The following TMPRSS11A variants were observed in gnomAD, a reference collection of about 807,000 sequenced individuals.
The protein encoded by TMPRSS11A is transmembrane serine protease 11A.
TMPRSS11A carries 53 observed loss-of-function variants against 58.9 expected under a neutral mutation model. That is an observed-to-expected ratio of 0.90 (90% CI 0.72 to 1.13). The LOEUF (loss-of-function observed/expected upper bound fraction) is 1.13. Ranked by LOEUF, TMPRSS11A falls within the 50% of genes most tolerant of loss-of-function variation. The probability of loss-of-function intolerance (pLI) is 0.00; values close to 1 mark genes in which losing one functional copy is unlikely to be tolerated. For missense variants in TMPRSS11A, 493 were observed against 499.3 expected (o/e 0.99, Z 0.12); for synonymous variants, 167 against 169.8 (o/e 0.98, Z 0.13).
chr4:67,946,648 C>A (rs1721020537), intron 1 of TMPRSS11A, 77 bp from the exon 2 acceptor site: 2 of 1,438,236 alleles, frequency 1.4e-6, no homozygotes, highest in South Asian at 1.6e-5. Flanking sequence ...TAGACAAGTT[C>A]AAGTTGCTGT....
chr4:67,916,060 AG>A, intron 8 of TMPRSS11A, among the ~76,000 whole-genome samples: 1 of 152,292 alleles, frequency 6.6e-6, no homozygotes, highest in Admixed American at 6.5e-5. Context: ...TCCCCTGTAA[AG>A]ACCCCCAGCT....
chr4:67,915,278 T>C (rs1720117004), intron 8 of TMPRSS11A, among the ~76,000 whole-genome samples: 1 of 152,176 alleles, frequency 6.6e-6, no homozygotes. Flanking sequence ...GGCTGCAGAC[T>C]GTAAGCTAGG....
At chr4:67,915,020 T>C (rs1720109514) in intron 8 of TMPRSS11A, among the ~76,000 whole-genome samples, 1 of 152,180 alleles carries the variant, frequency 6.6e-6, no homozygotes, top group South Asian at 2.1e-4. Context: ...CAGGAAGGCC[T>C]TTTATCTTTT....
chr4:67,929,978 T>C lies in TMPRSS11A; in HGVS notation c.383A>G (p.Gln128Arg). The change falls in exon 5 of 10, where the codon CAA becomes CGA. Residue 128 changes from glutamine (Q) to arginine (R), a missense_variant. Transcript: ENST00000508048. Reference sequence around the variant, plus strand: ...GATTTTCTTCTCTCTTACTGCCCTTTGTTCAGTAGAGGGGAACTGGAACAC... The same window carrying C: ...GATTTTCTTCTCTCTTACTGCCCTTCGTTCAGTAGAGGGGAACTGGAACAC... ...IMVFQFPSTE[Q>R]RAVREKKIQS... 4.3e-6 allele frequency: 7 copies of C among 1,613,690 alleles called. No homozygotes were observed. Among genetic ancestry groups the C allele is most frequent in the Non-Finnish European group, 5.9e-6 (7 of 1,179,610 alleles).
intron 7 of TMPRSS11A, among the ~76,000 whole-genome samples, chr4:67,921,806 T>C (rs934908699): frequency 1.3e-5 from 2 of 152,156 alleles, no homozygotes; most frequent in Non-Finnish European, 2.9e-5. Flanking sequence ...CTGGGACATA[T>C]TTTTCCCACT....
chr4:67,911,273 A>G lies in TMPRSS11A; in HGVS notation c.*69T>C, dbSNP rs1719970351. 7.0e-7 allele frequency: 1 copy of G among 1,428,038 alleles called. No homozygotes were observed. The highest frequency in any genetic ancestry group is 1.3e-5 in the South Asian group (1 of 77,762). The allele number at this position is 1,428,038 out of a possible 1,614,324, so 88.5% of individuals were successfully genotyped here. A position where few individuals can be genotyped will look rare whatever the true frequency, so the allele number is the denominator to read the frequency against. ...AATATCACTTTGTTGTACTACACCC[A>G]CTAAATAGTTGAATTCTCATGCATA... is the stretch of plus-strand genomic sequence containing the variant. On this transcript the variant is annotated 3_prime_UTR_variant, in exon 10 of 10. Transcript: ENST00000508048.
At position 67,911,313 on chromosome 4, in the gene TMPRSS11A, A is replaced by G; in HGVS notation, c.*29T>C. ...TCTCATGCATATATGACCTGCATAC[A>G]GCTTTCTTTGTTTAACTTTTATCGT... On this transcript the variant is annotated 3_prime_UTR_variant, in exon 10 of 10. Coordinates refer to ENST00000508048, the MANE Select transcript of TMPRSS11A (RefSeq NM_001114387.2). The G allele has an allele frequency of 3.1e-6, 5 of 1,609,890 alleles. No individual in the cohort carries two copies. The highest frequency in any genetic ancestry group is 4.2e-6 in the Non-Finnish European group (5 of 1,177,112).
chr4:67,925,232 T>C (rs1287969556), intron 5 of TMPRSS11A, among the ~76,000 whole-genome samples: 1 of 152,192 alleles, frequency 6.6e-6, no homozygotes, highest in East Asian at 1.9e-4. Context: ...ATATTTAAAC[T>C]TGTATACATG....
chr4:67,928,017 G>A (rs1720517240), intron 5 of TMPRSS11A, among the ~76,000 whole-genome samples: 1 of 152,170 alleles, frequency 6.6e-6, no homozygotes, highest in African/African-American at 2.4e-5. Flanking sequence ...TGACTTAGTG[G>A]AGTTAGAATT....
chr4:67,918,681 A>G (rs1275031469), intron 8 of TMPRSS11A, among the ~76,000 whole-genome samples: 1 of 152,208 alleles, frequency 6.6e-6, no homozygotes, highest in Non-Finnish European at 1.5e-5. Context: ...AAAAAATTCA[A>G]ATTCAGAGAC....
At chr4:67,926,925 C>T (rs114070910) in intron 5 of TMPRSS11A, among the ~76,000 whole-genome samples, 1,833 of 152,088 alleles carry the variant, frequency 0.012, 48 homozygotes, top group African/African-American at 0.042. Flanking sequence ...CTACTGTGTG[C>T]TGAAAGCTGA....
intron 6 of TMPRSS11A, among the ~76,000 whole-genome samples, 152 bp downstream of exon 6, chr4:67,923,975 GT>G (rs149179048): frequency 0.13 from 20,178 of 152,022 alleles, 1,523 homozygotes; most frequent in East Asian, 0.2. Flanking sequence ...CAGTCCATGA[GT>G]TAGAAAAAAA....
chr4:67,939,788 A>C (rs546216847), intron 3 of TMPRSS11A, among the ~76,000 whole-genome samples: 55 of 152,230 alleles, frequency 3.6e-4, no homozygotes, highest in Non-Finnish European at 6.5e-4. Context: ...TCCTGGGTTC[A>C]AGTGATTCTC....
At chr4:67,940,526 A>G (rs1487122678) in intron 3 of TMPRSS11A, among the ~76,000 whole-genome samples, 1 of 152,194 alleles carries the variant, frequency 6.6e-6, no homozygotes, top group Non-Finnish European at 1.5e-5. Flanking sequence ...GTTTATCTAC[A>G]TAGAAGTGTT....
At chr4:67,915,076 C>T (rs116717547) in intron 8 of TMPRSS11A, among the ~76,000 whole-genome samples, 1 of 152,170 alleles carries the variant, frequency 6.6e-6, no homozygotes, top group African/African-American at 2.4e-5. Flanking sequence ...AGAAACTCTG[C>T]ATGCCTAGAT....
intron 1 of TMPRSS11A, among the ~76,000 whole-genome samples, chr4:67,961,908 C>G (rs1164867720): frequency 6.6e-6 from 1 of 152,050 alleles, no homozygotes; most frequent in Non-Finnish European, 1.5e-5. Context: ...TGCAAACACT[C>G]CTATAAATAT....
At chr4:67,923,267 T>C (rs1720379958) in intron 6 of TMPRSS11A, among the ~76,000 whole-genome samples, 2 of 152,218 alleles carry the variant, frequency 1.3e-5, no homozygotes, top group Admixed American at 1.3e-4. Context: ...TTATTCACAA[T>C]GGTACCACCA....
At chr4:67,938,265 G>T (rs1425745110) in intron 3 of TMPRSS11A, among the ~76,000 whole-genome samples, 7 of 151,938 alleles carry the variant, frequency 4.6e-5, no homozygotes, top group African/African-American at 1.7e-4. Flanking sequence ...GGTTTCTTTT[G>T]CTTGTTGAGT....
At chr4:67,933,958 T>A (rs1294368237) in intron 3 of TMPRSS11A, among the ~76,000 whole-genome samples, 4 of 152,180 alleles carry the variant, frequency 2.6e-5, no homozygotes, top group Non-Finnish European at 5.9e-5. Flanking sequence ...CTGGATGACA[T>A]CATCAATCTG....
Sources: gnomAD v4.1 joint callset for allele counts (sites outside exome capture counted in the v4.1 genomes callset) on GRCh38, gnomAD v4.1.1 for gene constraint, MANE v1.5 for transcripts, NCBI Gene and HGNC (gene_info 2026-07-23, HGNC 2026-07-21) for gene names.